Variants in CHLSN observed in about 807,000 individuals in gnomAD.
CHLSN encodes protein cholesin.
chr7:1,034,211 C>T, the CHLSN span, among the ~76,000 whole-genome samples: 2 of 152,174 alleles, frequency 1.3e-5, no homozygotes, highest in African/African-American at 4.8e-5. Flanking sequence ...GTAAATTTAA[C>T]AAAACCTGTA....
the CHLSN span, among the ~76,000 whole-genome samples, chr7:1,080,295 C>G: frequency 6.6e-6 from 1 of 152,264 alleles, no homozygotes; most frequent in Non-Finnish European, 1.5e-5. Flanking sequence ...CTGGAAAGAA[C>G]TCAAATGTCG....
the CHLSN span, among the ~76,000 whole-genome samples, chr7:1,016,563 GCACACCAGTACACAGCAGCA>G: frequency 3.3e-5 from 4 of 121,106 alleles, 1 homozygote; most frequent in Non-Finnish European, 6.9e-5. Flanking sequence ...GCACAGCAGC[GCACACCAGTACACAGCAGCA>G]CACAGCACCA....
chr7:1,108,564 G>T, the CHLSN span, among the ~76,000 whole-genome samples: 1 of 152,230 alleles, frequency 6.6e-6, no homozygotes, highest in Admixed American at 6.5e-5. Context: ...CTGGGGTTCT[G>T]ATTCTGTGCG....
At chr7:1,057,391 C>T in the CHLSN span, 12 of 604,754 alleles carry the variant, frequency 2.0e-5, no homozygotes, top group Non-Finnish European at 3.0e-5. Context: ...TGGTCTGCAG[C>T]GATTACTGCA....
At chr7:1,043,822 G>T in the CHLSN span, 1 of 152,282 alleles carries the variant, frequency 6.6e-6, no homozygotes, top group Admixed American at 6.5e-5. Flanking sequence ...CTTCCTGCTG[G>T]TGTTCCACTC....
At chr7:1,047,431 T>C in the CHLSN span, among the ~76,000 whole-genome samples, 1 of 152,282 alleles carries the variant, frequency 6.6e-6, no homozygotes, top group Admixed American at 6.5e-5. Context: ...AACCATTTCT[T>C]ATCACAGCCC....
chr7:996,557 A>G, the CHLSN span, among the ~76,000 whole-genome samples: 3,337 of 152,300 alleles, frequency 0.022, 49 homozygotes, highest in Non-Finnish European at 0.03. Context: ...GACCGGAGCC[A>G]CTGGCCTCAG....
the CHLSN span, chr7:987,445 G>T: frequency 1.3e-6 from 2 of 1,584,274 alleles, no homozygotes; most frequent in Non-Finnish European, 1.7e-6. Flanking sequence ...CGTGCTCCAC[G>T]AGGTGCAGCG....
At chr7:1,025,794 C>T in the CHLSN span, 1 of 152,346 alleles carries the variant, frequency 6.6e-6, no homozygotes, top group African/African-American at 2.4e-5. Context: ...CATCACCAGC[C>T]TTGGGCCCTT....
At chr7:996,575 C>T in the CHLSN span, among the ~76,000 whole-genome samples, 26 of 152,356 alleles carry the variant, frequency 1.7e-4, no homozygotes, top group South Asian at 5.4e-3. Context: ...CAGCCCTCCC[C>T]GGGGCCCATC....
At chr7:1,015,677 C>T in the CHLSN span, among the ~76,000 whole-genome samples, 5 of 152,266 alleles carry the variant, frequency 3.3e-5, no homozygotes, top group African/African-American at 4.8e-5. Flanking sequence ...GGTTGGTGGG[C>T]GGGGCCAGGA....
chr7:985,021 G>C, the CHLSN span: 2 of 1,612,084 alleles, frequency 1.2e-6, no homozygotes, highest in African/African-American at 2.7e-5. Flanking sequence ...GCACAGCCTG[G>C]GCGTGGGCCG....
At chr7:1,126,632 G>C in the CHLSN span, among the ~76,000 whole-genome samples, 1 of 152,012 alleles carries the variant, frequency 6.6e-6, no homozygotes, top group Non-Finnish European at 1.5e-5. Context: ...ACTGAGCTGA[G>C]ATCCCACCAC....
the CHLSN span, chr7:1,092,070 T>C: frequency 2.5e-6 from 4 of 1,613,932 alleles, no homozygotes; most frequent in South Asian, 4.4e-5. Context: ...ACTCCCTCAT[T>C]GAGGTGTTCA....
chr7:1,117,952 G>C, the CHLSN span, among the ~76,000 whole-genome samples: 12 of 152,164 alleles, frequency 7.9e-5, no homozygotes, highest in East Asian at 1.2e-3. Context: ...GGGACCACAG[G>C]CCTGTGCTTA....
the CHLSN span, among the ~76,000 whole-genome samples, chr7:1,094,686 C>T: frequency 6.6e-6 from 1 of 152,138 alleles, no homozygotes. Context: ...AGGAAACTCT[C>T]TCTCCTCCTG....
the CHLSN span, among the ~76,000 whole-genome samples, chr7:1,089,823 C>T: frequency 6.6e-6 from 1 of 151,552 alleles, no homozygotes; most frequent in Non-Finnish European, 1.5e-5. Context: ...TGGATCACAC[C>T]TGTAATCCCA....
At chr7:1,017,469 C>T in the CHLSN span, among the ~76,000 whole-genome samples, 4 of 152,176 alleles carry the variant, frequency 2.6e-5, no homozygotes, top group South Asian at 2.1e-4. Flanking sequence ...TGCTGTCCTA[C>T]GATGTCAGCC....
the CHLSN span, among the ~76,000 whole-genome samples, chr7:991,559 T>C: frequency 6.6e-6 from 1 of 152,222 alleles, no homozygotes; most frequent in Non-Finnish European, 1.5e-5. Context: ...GGGTGCCCGT[T>C]TCTCACAGCT....
Sources: gnomAD v4.1 joint callset for allele counts (sites outside exome capture counted in the v4.1 genomes callset) on GRCh38, gnomAD v4.1.1 for gene constraint, MANE v1.5 for transcripts, NCBI Gene and HGNC (gene_info 2026-07-23, HGNC 2026-07-21) for gene names.